Variants in GMIP observed in about 807,000 individuals in gnomAD.
The protein encoded by GMIP is GEM interacting protein.
In GMIP, 54 loss-of-function variants were observed where a neutral mutation model predicts 105.3. The ratio of observed to expected loss-of-function variants is 0.51; its 90% CI spans 0.41 to 0.64. The LOEUF (loss-of-function observed/expected upper bound fraction) is 0.64. GMIP is among the 30% of genes least tolerant of loss of function. The pLI is 0.00. For synonymous variants in GMIP, 541 were observed against 560.8 expected (o/e 0.96, Z 0.50); for missense variants, 1,110 against 1,319.4 (o/e 0.84, Z 2.46).
At chr19:19,636,646 G>T in intron 13 of GMIP, 61 bp downstream of exon 13, 1 of 1,220,166 alleles carries the variant, frequency 8.2e-7, no homozygotes, top group Non-Finnish European at 1.2e-6. Flanking sequence ...GTCAGAGCTT[G>T]GCCAGGGGCT....
Position 19,637,016 on chromosome 19 carries a change from T to A in GMIP, c.1138A>T (p.Ile380Phe). ...AGAGGCCCAGAGAGCTTCTTTCTGA[T>A]GTCCAGAGGGGAGCTGAGAAGACAG... ...LPSLNSSPLDIRKKLSGPLPP... is the reference protein window; with the variant it reads ...LPSLNSSPLDFRKKLSGPLPP... The change falls in exon 12 of 21, where the codon ATC becomes TTC. Residue 380 changes from isoleucine (I) to phenylalanine (F), a missense_variant. Ile to Phe is a conservative substitution (Grantham distance 21, BLOSUM62 0). Transcript: ENST00000203556. The surrounding 1 kb of genome is among the most constrained non-coding windows in gnomAD (Gnocchi z 6.7). 1 of 1,568,746 alleles carries A rather than the reference T, an allele frequency of 6.4e-7. No homozygotes were observed. Among genetic ancestry groups the A allele is most frequent in the Non-Finnish European group, 8.7e-7 (1 of 1,154,658 alleles).
At chr19:19,636,109 C>T (rs142678255) in intron 13 of GMIP, among the ~76,000 whole-genome samples, 1,551 of 151,608 alleles carry the variant, frequency 0.01, 28 homozygotes, top group African/African-American at 0.035. Flanking sequence ...GAGGCTGAGG[C>T]ACGAGAATCG....
In GMIP at chr19:19,630,605, C is replaced by G. The variant is rs2061785954; in HGVS notation, c.2473-68G>C. 2 of 1,374,904 alleles carry G rather than the reference C, an allele frequency of 1.5e-6. No homozygotes were observed. The highest frequency in any genetic ancestry group is 2.1e-6 in the Non-Finnish European group (2 of 963,222). The allele number at this position is 1,374,904 out of a possible 1,614,324, so 85.2% of individuals were successfully genotyped here. A position where few individuals can be genotyped will look rare whatever the true frequency, so the allele number is the denominator to read the frequency against. Reference sequence around the variant, plus strand: ...CCAGTTCTTTGAGATTCCTGGAGAGCCAAGGGCTTGTTCCTGGACATGCAA... The same window carrying G: ...CCAGTTCTTTGAGATTCCTGGAGAGGCAAGGGCTTGTTCCTGGACATGCAA... On this transcript the variant is annotated intron_variant, in intron 19 of 20. Transcript: ENST00000203556. The surrounding 1 kb of genome is among the most constrained non-coding windows in gnomAD (Gnocchi z 4.8).
In GMIP at chr19:19,634,383, G is replaced by T; in HGVS notation, c.2084+124C>A. 1 of 1,031,574 alleles carries T rather than the reference G, an allele frequency of 9.7e-7. No individual in the cohort carries two copies. The highest frequency in any genetic ancestry group is 1.5e-6 in the Non-Finnish European group (1 of 688,464). The allele number at this position is 1,031,574 out of a possible 1,614,324, so 63.9% of individuals were successfully genotyped here. On this transcript the variant is annotated intron_variant, in intron 18 of 20. Coordinates refer to ENST00000203556, the MANE Select transcript of GMIP (RefSeq NM_016573.4). The surrounding 1 kb of genome is among the most constrained non-coding windows in gnomAD (Gnocchi z 6.1). ...CCCAAAGTTATGAATCATGGATTAA[G>T]GTTCAGAGTTCAGAAAACACAGGTC...
intron 4 of GMIP, 27 bp from the exon 5 acceptor site, chr19:19,640,598 C>CCAAAGG: frequency 6.2e-7 from 1 of 1,613,202 alleles, no homozygotes; most frequent in Non-Finnish European, 8.5e-7. Flanking sequence ...GACCTCTGAC[C>CCAAAGG]TTTGCACCCT....
At position 19,637,915 on chromosome 19, in the gene GMIP, C is replaced by G; in HGVS notation, c.927+5G>C. ...GGGGAGGATGGCCTTGGGGATGGGC[C>G]TCACCCGCCTCAGCACTTCATCCCC... On this transcript the variant is annotated splice_donor_5th_base_variant and intron_variant, in intron 10 of 20. Transcript: ENST00000203556. The surrounding 1 kb of genome is among the most constrained non-coding windows in gnomAD (Gnocchi z 6.7). The G allele has an allele frequency of 6.3e-7, 1 of 1,593,860 alleles. No homozygotes were observed. The highest frequency in any genetic ancestry group is 8.5e-7 in the Non-Finnish European group (1 of 1,170,864).
chr19:19,641,260 T>C (rs550675912), intron 4 of GMIP, among the ~76,000 whole-genome samples: 1 of 152,074 alleles, frequency 6.6e-6, no homozygotes, highest in African/African-American at 2.4e-5. Context: ...TTTTTTGTAT[T>C]TTTAGTAGAG....
In GMIP at chr19:19,635,115, G is replaced by C; in HGVS notation, c.1659C>G (p.Phe553Leu). Reference sequence around the variant, plus strand: ...CCGGGAAGTCCCTGGGTAGCTGCAGGAAGTCAACCCCAAAAAGGGGTGTCC... The same window carrying C: ...CCGGGAAGTCCCTGGGTAGCTGCAGCAAGTCAACCCCAAAAAGGGGTGTCC... Reference protein sequence around the residue: ...PARTPLFGVDFLQLPRDFPEE... With the variant: ...PARTPLFGVDLLQLPRDFPEE... Residue 553 changes from phenylalanine (F) to leucine (L), a missense_variant, in exon 16 of 21, where the codon TTC (phenylalanine) becomes TTG (leucine). This residue lies in a region of GMIP where 667 missense variants were observed against 773.2 expected (regional missense o/e 0.86). Coordinates refer to ENST00000203556, the MANE Select transcript of GMIP (RefSeq NM_016573.4). This position sits in a 1 kb window ranked among gnomAD's most constrained non-coding sequence, Gnocchi z 4.7. 1 of 1,613,994 alleles carries C rather than the reference G, an allele frequency of 6.2e-7. No homozygotes were observed. The highest frequency in any genetic ancestry group is 1.1e-5 in the South Asian group (1 of 91,078).
At position 19,634,982 on chromosome 19, in the gene GMIP, C is replaced by T. The variant is rs533401748; in HGVS notation, c.1749+43G>A. On this transcript the variant is annotated intron_variant, in intron 16 of 20. Transcript: ENST00000203556. The surrounding 1 kb of genome is among the most constrained non-coding windows in gnomAD (Gnocchi z 6.1). ...CCTGGTTCGTGATAGGCCATCGATT[C>T]GGTCAGGTCACTTCTGGGGATGATG... 73 of 1,613,042 alleles carry T rather than the reference C, an allele frequency of 4.5e-5. No homozygotes were observed. The highest frequency in any genetic ancestry group is 8.0e-5 in the African/African-American group (6 of 75,008).
At chr19:19,639,975 C>T (rs746278249) in intron 7 of GMIP, 110 bp downstream of exon 7, 14 of 643,822 alleles carry the variant, frequency 2.2e-5, no homozygotes, top group East Asian at 5.5e-5. Flanking sequence ...GAAATGGCGA[C>T]GTTGGTAGTG....
In GMIP at chr19:19,634,889, C is replaced by T. The variant is rs745951325; in HGVS notation, c.1790G>A (p.Arg597Gln). The T allele has an allele frequency of 9.9e-6, 16 of 1,614,060 alleles. No homozygotes were observed. The highest frequency in any genetic ancestry group is 1.1e-5 in the Non-Finnish European group (13 of 1,180,042). The change falls in exon 17 of 21, where the codon CGG becomes CAG. Residue 597 changes from arginine to glutamine, a missense_variant. Transcript: ENST00000203556. This position sits in a 1 kb window ranked among gnomAD's most constrained non-coding sequence, Gnocchi z 6.1. Reference protein sequence around the residue: ...RVSGSRVRVERLCQAFENGRA... With the variant: ...RVSGSRVRVEQLCQAFENGRA... ...GCCATTCTCGAAAGCCTGGCACAGC[C>T]GCTCCACACGGACCCGGGACCCGCT...
Position 19,635,193 on chromosome 19 carries a change from C to G in GMIP, c.1581G>C (p.Lys527Asn). The G allele has an allele frequency of 6.2e-7, 1 of 1,613,214 alleles. No individual in the cohort carries two copies. Among genetic ancestry groups the G allele is most frequent in the Non-Finnish European group, 8.5e-7 (1 of 1,179,592 alleles). ...ECEECFLTCH[K>N]RCLETLLILC... Reference sequence around the variant, plus strand: ...GGATCAGGAGAGTCTCCAGGCAGCGCTTGTGGCAGGTCAGAAAGCACTGTG... The same window carrying G: ...GGATCAGGAGAGTCTCCAGGCAGCGGTTGTGGCAGGTCAGAAAGCACTGTG... Residue 527 changes from lysine (K) to asparagine (N), a missense_variant, in exon 16 of 21, where the codon AAG becomes AAC. Coordinates refer to ENST00000203556, the MANE Select transcript of GMIP (RefSeq NM_016573.4). This position sits in a 1 kb window ranked among gnomAD's most constrained non-coding sequence, Gnocchi z 4.7.
rs745665556 is a variant in GMIP, at chr19:19,634,028, G to A, written c.2247C>T (p.Leu749=). Residue 749 remains leucine, a synonymous_variant, in exon 19 of 21, where the codon CTC becomes CTT. Transcript: ENST00000203556. The surrounding 1 kb of genome is among the most constrained non-coding windows in gnomAD (Gnocchi z 6.1). Reference sequence around the variant, plus strand: ...CAAAGATCTGCTCGTAGTGCACGATGAGGAACTCCACAAGCTGGGCCTGAT... The same window carrying A: ...CAAAGATCTGCTCGTAGTGCACGATAAGGAACTCCACAAGCTGGGCCTGAT... ...SGHQAQLVEF[L]IVHYEQIFGM... is the part of the protein sequence containing the mutation. The A allele has an allele frequency of 1.2e-6, 2 of 1,613,426 alleles. No homozygotes were observed. Among genetic ancestry groups the A allele is most frequent in the Non-Finnish European group, 1.7e-6 (2 of 1,179,674 alleles).
intron 13 of GMIP, 54 bp downstream of exon 13, chr19:19,636,653 G>A: frequency 1.5e-6 from 2 of 1,313,162 alleles, no homozygotes; most frequent in South Asian, 1.2e-5. Flanking sequence ...CTTGGCCAGG[G>A]GCTGGAGGAT....
Position 19,637,565 on chromosome 19 carries a change from C to A in GMIP, c.928-4G>T, listed in dbSNP as rs1419030474. 3.0e-5 allele frequency: 46 copies of A among 1,516,424 alleles called. No homozygotes were observed. Among genetic ancestry groups the A allele is most frequent in the South Asian group, 4.9e-5 (4 of 81,070 alleles). The allele number at this position is 1,516,424 out of a possible 1,614,324, so 93.9% of individuals were successfully genotyped here. ...GCCCGAAGAGACTCAGCGTCACCTGCCGGGTGGAGACAGCAGGTTGGGGAG... is the reference window on the plus strand; with the variant it reads ...GCCCGAAGAGACTCAGCGTCACCTGACGGGTGGAGACAGCAGGTTGGGGAG... On this transcript the variant is annotated splice_polypyrimidine_tract_variant and splice_region_variant and intron_variant, in intron 10 of 20. Coordinates refer to ENST00000203556, the MANE Select transcript of GMIP (RefSeq NM_016573.4). The surrounding 1 kb of genome is among the most constrained non-coding windows in gnomAD (Gnocchi z 6.7).
chr19:19,641,339 C>T (rs2061917186), intron 4 of GMIP, among the ~76,000 whole-genome samples: 1 of 151,852 alleles, frequency 6.6e-6, no homozygotes. Context: ...GCCTCAGCCT[C>T]CAAAGTGCTG....
chr19:19,634,446 G>T lies in GMIP; in HGVS notation c.2084+61C>A. 7.1e-7 allele frequency: 1 copy of T among 1,402,046 alleles called. No homozygotes were observed. The highest frequency in any genetic ancestry group is 9.9e-7 in the Non-Finnish European group (1 of 1,008,702). The allele number at this position is 1,402,046 out of a possible 1,614,324, so 86.9% of individuals were successfully genotyped here. On this transcript the variant is annotated intron_variant, in intron 18 of 20. Coordinates refer to ENST00000203556, the MANE Select transcript of GMIP (RefSeq NM_016573.4). This position sits in a 1 kb window ranked among gnomAD's most constrained non-coding sequence, Gnocchi z 6.1. ...TCAGTGTCAGGGGTCAGCCAGGGAA[G>T]TTAGTAGTCGCATGTCCAGGGAAAA... is the stretch of plus-strand genomic sequence containing the variant.
At chr19:19,642,908 A>T (rs1234615767) in intron 1 of GMIP, among the ~76,000 whole-genome samples, 1 of 152,156 alleles carries the variant, frequency 6.6e-6, no homozygotes, top group Non-Finnish European at 1.5e-5. Context: ...GGCTGTCCCG[A>T]GAAGAAAGCC....
In GMIP at chr19:19,640,439, T is replaced by C; in HGVS notation, c.364+7A>G. ...GGTAACTGGGGCTGGGCGGAAGAGG[T>C]CCTCACCATAGCTGGCTCTCTTTTC... On this transcript the variant is annotated splice_region_variant and intron_variant, in intron 5 of 20. Transcript: ENST00000203556. 7 of 1,613,878 alleles carry C rather than the reference T, an allele frequency of 4.3e-6. No individual in the cohort carries two copies. The highest frequency in any genetic ancestry group is 5.9e-6 in the Non-Finnish European group (7 of 1,179,980).
Sources: gnomAD v4.1 joint callset for allele counts (sites outside exome capture counted in the v4.1 genomes callset) on GRCh38, gnomAD v4.1.1 for gene constraint, gnomAD v4.1.1 regional missense constraint, Gnocchi (gnomAD v3.1) non-coding constraint, MANE v1.5 for transcripts, NCBI Gene and HGNC (gene_info 2026-07-23, HGNC 2026-07-21) for gene names.